Variants in NUP62 observed in about 807,000 individuals in gnomAD.
NUP62 encodes the protein nucleoporin 62, also known as nuclear pore glycoprotein p62.
For synonymous variants in NUP62, 305 were observed against 303.4 expected, an observed-to-expected ratio of 1.01 and a Z score of -0.05; for missense variants, 647 against 689.4, an observed-to-expected ratio of 0.94 and a Z score of 0.69.
Position 49,908,673 on chromosome 19 carries a change from C to A in NUP62, c.1135G>T (p.Val379Leu). 1 of 1,612,318 alleles carries A rather than the reference C, an allele frequency of 6.2e-7. No homozygotes were observed. The highest frequency in any genetic ancestry group is 8.5e-7 in the Non-Finnish European group (1 of 1,180,034). ...GEKITSLHREVEKVKLDQKRL... is the reference protein window; with the variant it reads ...GEKITSLHRELEKVKLDQKRL... Reference sequence around the variant, plus strand: ...TTCTGGTCCAGCTTCACCTTCTCCACCTCGCGGTGCAGGCTGGTGATCTTT... The same window carrying A: ...TTCTGGTCCAGCTTCACCTTCTCCAACTCGCGGTGCAGGCTGGTGATCTTT... Residue 379 changes from valine (V) to leucine (L), a missense_variant, in exon 3 of 3, where the codon GTG becomes TTG. Coordinates refer to ENST00000352066, the MANE Select transcript of NUP62 (RefSeq NM_016553.5).
At chr19:49,918,214 C>T (rs1035115806) in intron 2 of NUP62, among the ~76,000 whole-genome samples, 2 of 152,008 alleles carry the variant, frequency 1.3e-5, no homozygotes, top group Admixed American at 6.6e-5. Flanking sequence ...TACAGGCATA[C>T]GCCGCCATGC....
At chr19:49,919,448 C>A (rs767094552) in intron 2 of NUP62, among the ~76,000 whole-genome samples, 5 of 152,190 alleles carry the variant, frequency 3.3e-5, no homozygotes, top group Non-Finnish European at 7.3e-5. Context: ...TTCTCCTCAC[C>A]CGGGTAGATG....
rs1202170459 is a variant in NUP62, at chr19:49,906,828, T to G, written c.*1411A>C. 6.6e-6 allele frequency: 1 copy of G among 152,252 alleles called. No homozygotes were observed. Among genetic ancestry groups the G allele is most frequent in the Admixed American group, 6.5e-5 (1 of 15,270 alleles). The allele number at this position is 152,252 out of a possible 1,614,324, so 9.4% of individuals were successfully genotyped here. On this transcript the variant is annotated 3_prime_UTR_variant, in exon 3 of 3. Transcript: ENST00000352066. The stretch of plus-strand genomic sequence containing the variant: ...TTATCCATATTAACAGCAGCTGTTT[T>G]GGTTTCACAATACATTTATTTAGAA...
At chr19:49,917,336 AAC>A (rs2122690730) in intron 2 of NUP62, among the ~76,000 whole-genome samples, 1 of 152,328 alleles carries the variant, frequency 6.6e-6, no homozygotes, top group East Asian at 1.9e-4. Context: ...TCCGTCTGCA[AAC>A]TCCACAAGTC....
intron 2 of NUP62, among the ~76,000 whole-genome samples, chr19:49,910,254 G>A (rs117268160): frequency 0.014 from 2,059 of 152,154 alleles, 26 homozygotes; most frequent in Non-Finnish European, 0.019. Flanking sequence ...TGCTCCCAGC[G>A]TGGGACCCAG....
intron 2 of NUP62, among the ~76,000 whole-genome samples, chr19:49,914,726 G>GTTTTTTTTTTTTTTTTTTTTTTTTTTT: frequency 1.8e-5 from 1 of 56,362 alleles, no homozygotes; most frequent in Non-Finnish European, 3.2e-5. Context: ...CCAAGTCCCA[G>GTTTTTTTTTTTTTTTTTTTTTTTTTTT]TTTTTTTTTT....
chr19:49,909,288 C>T lies in NUP62; in HGVS notation c.520G>A (p.Gly174Ser). 1 of 1,614,070 alleles carries T rather than the reference C, an allele frequency of 6.2e-7. No individual in the cohort carries two copies. ...GGCTGGGCTGAATTCCCTGCTGAGC[C>T]AATGTTGAAACCGGAGGGTTGGGCC... ...STAQPSGFNI[G>S]SAGNSAQPTA... The change falls in exon 3 of 3, where the codon GGC becomes AGC. Residue 174 changes from glycine to serine, a missense_variant. Coordinates refer to ENST00000352066, the MANE Select transcript of NUP62 (RefSeq NM_016553.5).
chr19:49,908,788 C>A lies in NUP62; in HGVS notation c.1020G>T (p.Trp340Cys). 1 of 1,613,780 alleles carries A rather than the reference C, an allele frequency of 6.2e-7. No homozygotes were observed. Among genetic ancestry groups the A allele is most frequent in the Non-Finnish European group, 8.5e-7 (1 of 1,180,040 alleles). ...GCTCCTGGTCCTCTAGCTCCAGGCTCCATTTGTTGATCAGGCTCTCCAGCT... is the reference window on the plus strand; with the variant it reads ...GCTCCTGGTCCTCTAGCTCCAGGCTACATTTGTTGATCAGGCTCTCCAGCT... ...YAQLESLINK[W>C]SLELEDQERH... Residue 340 changes from tryptophan to cysteine, a missense_variant, in exon 3 of 3, where the codon TGG becomes TGT. Physicochemically the swap from Trp to Cys is radical, Grantham distance 215. Transcript: ENST00000352066.
In NUP62 at chr19:49,908,338, C is replaced by A; in HGVS notation, c.1470G>T (p.Gln490His). Residue 490 changes from glutamine (Q) to histidine (H), a missense_variant, in exon 3 of 3, where the codon CAG becomes CAT. Coordinates refer to ENST00000352066, the MANE Select transcript of NUP62 (RefSeq NM_016553.5). ...CCTTCCTCTGCAGCAGGGCCGAGTT[C>A]TGGTCGATCCACTGCAGTGAGTCCA... ...AHMDSLQWID[Q>H]NSALLQRKVE... is the part of the protein sequence containing the mutation. 1 of 1,614,146 alleles carries A rather than the reference C, an allele frequency of 6.2e-7. No homozygotes were observed. Among genetic ancestry groups the A allele is most frequent in the Non-Finnish European group, 8.5e-7 (1 of 1,180,012 alleles).
At chr19:49,913,747 G>A (rs1378304396) in intron 2 of NUP62, among the ~76,000 whole-genome samples, 1 of 152,220 alleles carries the variant, frequency 6.6e-6, no homozygotes, top group African/African-American at 2.4e-5. Flanking sequence ...TGAGCTCTGT[G>A]AGTCTTAGCT....
chr19:49,918,210 C>T (rs1244019006), intron 2 of NUP62, among the ~76,000 whole-genome samples: 1 of 152,082 alleles, frequency 6.6e-6, no homozygotes, highest in Non-Finnish European at 1.5e-5. Context: ...GGACTACAGG[C>T]ATACGCCGCC....
intron 2 of NUP62, among the ~76,000 whole-genome samples, chr19:49,916,631 G>A (rs2075630960): frequency 6.6e-6 from 1 of 152,054 alleles, no homozygotes; most frequent in Non-Finnish European, 1.5e-5. Flanking sequence ...AGGCGTGGTG[G>A]TGGGTGCCCG....
intron 2 of NUP62, among the ~76,000 whole-genome samples, chr19:49,922,571 T>C (rs2075791136): frequency 6.6e-6 from 1 of 151,964 alleles, no homozygotes; most frequent in Non-Finnish European, 1.5e-5. Context: ...TGCTCTCTGC[T>C]GTGGACAGAG....
chr19:49,907,844 T>G lies in NUP62; in HGVS notation c.*395A>C, dbSNP rs2075358648. 3.0e-6 allele frequency: 1 copy of G among 336,216 alleles called. No individual in the cohort carries two copies. The highest frequency in any genetic ancestry group is 5.6e-6 in the Non-Finnish European group (1 of 177,454). 20.8% of individuals were successfully genotyped at this position (336,216 alleles called of 1,614,324 possible). On this transcript the variant is annotated 3_prime_UTR_variant, in exon 3 of 3. Coordinates refer to ENST00000352066, the MANE Select transcript of NUP62 (RefSeq NM_016553.5). Reference sequence around the variant, plus strand: ...AGCCACTGCGCCCTGACTTGGAGGTTCTCTTACATTTGGTATTTTTTCATG... The same window carrying G: ...AGCCACTGCGCCCTGACTTGGAGGTGCTCTTACATTTGGTATTTTTTCATG...
rs758314094 is a variant in NUP62, at chr19:49,925,961, A to G, written c.-78+1733T>C. Among the ~76,000 whole-genome samples, 3 of 152,208 alleles carry G rather than the reference A, an allele frequency of 2.0e-5. No homozygotes were observed. The South Asian group carries it at 6.2e-4, about 31-fold the overall frequency. The stretch of plus-strand genomic sequence containing the variant: ...TACGGTGGCTCACACCTGTAATCCC[A>G]GCACTTTGGGAGGCTGAGGCAGGCA... On this transcript the variant is annotated intron_variant, in intron 2 of 2. Coordinates refer to ENST00000352066, the MANE Select transcript of NUP62 (RefSeq NM_016553.5).
intron 2 of NUP62, among the ~76,000 whole-genome samples, chr19:49,911,635 A>T (rs3786664): frequency 0.13 from 19,910 of 152,130 alleles, 1,397 homozygotes; most frequent in Middle Eastern, 0.17. Flanking sequence ...CAGCCAAGCA[A>T]GCCTGGGGAG....
intron 2 of NUP62, among the ~76,000 whole-genome samples, chr19:49,920,821 G>C (rs780321722): frequency 1.3e-5 from 2 of 152,230 alleles, no homozygotes; most frequent in Non-Finnish European, 2.9e-5. Flanking sequence ...GAGAGCAGCG[G>C]ACAGGCGTGT....
intron 2 of NUP62, chr19:49,911,428 G>C (rs1016054419): frequency 3.3e-5 from 5 of 152,188 alleles, no homozygotes; most frequent in Non-Finnish European, 7.3e-5. Flanking sequence ...GCCTGACCCA[G>C]AGAAACACCC....
At chr19:49,914,913 T>C (rs546030873) in intron 2 of NUP62, among the ~76,000 whole-genome samples, 43 of 151,832 alleles carry the variant, frequency 2.8e-4, no homozygotes, top group African/African-American at 9.9e-4. Flanking sequence ...CTAATTTTTG[T>C]ATTTTTAGTA....
Sources: allele counts gnomAD v4.1 joint callset (sites outside exome capture counted in the v4.1 genomes callset), GRCh38; gene constraint gnomAD v4.1.1; transcripts MANE v1.5; gene names NCBI Gene and HGNC (gene_info 2026-07-23, HGNC 2026-07-21).